The following PHLDB2 variants were observed in gnomAD, a reference collection of about 807,000 sequenced individuals.
PHLDB2 encodes pleckstrin homology-like domain family B member 2.
A neutral mutation model predicts 123.6 loss-of-function variants in PHLDB2; 71 were observed. That is an observed-to-expected ratio of 0.57 (90% CI 0.47 to 0.70). The LOEUF (loss-of-function observed/expected upper bound fraction) is 0.70, where lower values mean the gene tolerates loss of function less well. PHLDB2 is among the 30% of genes least tolerant of loss of function. The probability of loss-of-function intolerance (pLI) is 0.00; values close to 1 mark genes in which losing one functional copy is unlikely to be tolerated. For synonymous variants in PHLDB2, 547 were observed against 541.6 expected, an observed-to-expected ratio of 1.01 and a Z score of -0.14; for missense variants, 1,446 against 1,519.5, an observed-to-expected ratio of 0.95 and a Z score of 0.80.
chr3:111,945,206 C>T, intron 8 of PHLDB2, 62 bp from the exon 9 acceptor site: 3 of 1,088,564 alleles, frequency 2.8e-6, no homozygotes, highest in Non-Finnish European at 4.2e-6. Context: ...TGCAAAGTCA[C>T]CATGCTTCTC....
chr3:111,962,929 C>CAAAAAAAAAAAAA (rs57625439), intron 13 of PHLDB2, among the ~76,000 whole-genome samples: 10 of 93,818 alleles, frequency 1.1e-4, no homozygotes, highest in Admixed American at 2.5e-4. Flanking sequence ...AACTCCATCT[C>CAAAAAAAAAAAAA]AAAAAAAAAA....
intron 5 of PHLDB2, among the ~76,000 whole-genome samples, chr3:111,924,019 C>T (rs1577095886): frequency 6.6e-6 from 1 of 152,278 alleles, no homozygotes; most frequent in East Asian, 1.9e-4. Flanking sequence ...CCCTCCCATT[C>T]TTCACAGCAC....
chr3:111,848,628 A>C (rs955049472), intron 2 of PHLDB2, among the ~76,000 whole-genome samples: 23 of 152,320 alleles, frequency 1.5e-4, no homozygotes, highest in Non-Finnish European at 1.9e-4. Context: ...TGTGGGGAGA[A>C]AAATACTGCC....
At chr3:111,929,109 AT>A in intron 5 of PHLDB2, among the ~76,000 whole-genome samples, 1 of 152,266 alleles carries the variant, frequency 6.6e-6, no homozygotes, top group South Asian at 2.1e-4. Flanking sequence ...CAGATAAAAA[AT>A]AAAAAATTAA....
intron 2 of PHLDB2, among the ~76,000 whole-genome samples, chr3:111,850,152 C>T (rs192408902): frequency 2.5e-4 from 38 of 151,468 alleles, no homozygotes; most frequent in Non-Finnish European, 4.0e-4. Flanking sequence ...TAAGCCACCG[C>T]GCCCAGCCGC....
intron 8 of PHLDB2, among the ~76,000 whole-genome samples, chr3:111,941,534 C>A (rs1448933402): frequency 1.3e-5 from 2 of 152,274 alleles, no homozygotes; most frequent in East Asian, 3.9e-4. Context: ...AGGCCTGACA[C>A]CATGGCTCAT....
At chr3:111,927,271 A>C (rs2068867984) in intron 5 of PHLDB2, among the ~76,000 whole-genome samples, 1 of 152,094 alleles carries the variant, frequency 6.6e-6, no homozygotes, top group African/African-American at 2.4e-5. Context: ...TCACACCTGT[A>C]ATCCCAGCAC....
At chr3:111,936,991 A>G (rs78364952) in intron 6 of PHLDB2, among the ~76,000 whole-genome samples, 9,045 of 152,342 alleles carry the variant, frequency 0.059, 882 homozygotes, top group African/African-American at 0.2. Context: ...TAGAAGTTAT[A>G]AATTTGAAAT....
intron 1 of PHLDB2, among the ~76,000 whole-genome samples, chr3:111,813,843 G>C: frequency 6.6e-6 from 1 of 152,270 alleles, no homozygotes; most frequent in South Asian, 2.1e-4. Flanking sequence ...CAAAAAACTG[G>C]GGATGCTTTT....
intron 1 of PHLDB2, among the ~76,000 whole-genome samples, chr3:111,866,930 G>GGTGGGT (rs2065114406): frequency 1.6e-5 from 2 of 126,004 alleles, no homozygotes; most frequent in Admixed American, 8.3e-5. Flanking sequence ...GTTTCTAAGG[G>GGTGGGT]GTGTGTGTGT....
chr3:111,968,454 T>C (rs2071947533), intron 15 of PHLDB2, among the ~76,000 whole-genome samples: 5 of 152,250 alleles, frequency 3.3e-5, no homozygotes. Flanking sequence ...TTGGTCATCA[T>C]AGAATTTGAA....
At chr3:111,813,232 T>A (rs2061921668) in intron 1 of PHLDB2, among the ~76,000 whole-genome samples, 1 of 152,222 alleles carries the variant, frequency 6.6e-6, no homozygotes, top group Non-Finnish European at 1.5e-5. Context: ...ATAATGTGAT[T>A]ACTATAGTTA....
chr3:111,860,462 C>T (rs2064773363), intron 1 of PHLDB2, among the ~76,000 whole-genome samples: 2 of 152,178 alleles, frequency 1.3e-5, no homozygotes, highest in South Asian at 2.1e-4. Flanking sequence ...CCCTGCGCGG[C>T]GGAGGCGCAG....
chr3:111,935,560 T>C (rs1030296377), intron 6 of PHLDB2, among the ~76,000 whole-genome samples: 1 of 149,352 alleles, frequency 6.7e-6, no homozygotes, highest in Middle Eastern at 3.5e-3. Context: ...GTTCATTAAG[T>C]ATTAACTCCC....
rs527319983 is a variant in PHLDB2 at position 111,852,976 on chromosome 3, T to C, written c.67+7041T>C. Among the ~76,000 whole-genome samples the C allele has an allele frequency of 5.3e-5, 8 of 152,340 alleles. No individual in the cohort carries two copies. In the East Asian group the frequency reaches 1.2e-3, roughly 22 times the overall value. ...CAGCACATGGGGATAATCATTAAACTTGAGGAGACAAAAATTAGGTGTTTC... is the reference window on the plus strand; with the variant it reads ...CAGCACATGGGGATAATCATTAAACCTGAGGAGACAAAAATTAGGTGTTTC... On this transcript the variant is annotated intron_variant, in intron 2 of 17. Transcript: ENST00000393923.
chr3:111,885,923 A>G (rs368682029), intron 2 of PHLDB2: 15 of 326,408 alleles, frequency 4.6e-5, no homozygotes, highest in African/African-American at 3.0e-4. Context: ...TTCATACACA[A>G]CCTTACTATC....
chr3:111,910,664 G>A lies in PHLDB2; in HGVS notation c.1336-2655G>A, dbSNP rs551651773. 7.9e-5 allele frequency among the ~76,000 whole-genome samples: 12 copies of A among 152,334 alleles called. No individual in the cohort carries two copies. The South Asian group carries it at 2.5e-3, about 32-fold the overall frequency. Reference sequence around the variant, plus strand: ...CTGGATTTGGGTCATGCAGGTTGCAGGCTATTGGCATGATGAATGGGAAGG... The same window carrying A: ...CTGGATTTGGGTCATGCAGGTTGCAAGCTATTGGCATGATGAATGGGAAGG... On this transcript the variant is annotated intron_variant, in intron 2 of 17. Transcript: ENST00000431670.
chr3:111,953,062 A>G (rs1418633415), intron 11 of PHLDB2, among the ~76,000 whole-genome samples: 1 of 152,116 alleles, frequency 6.6e-6, no homozygotes, highest in African/African-American at 2.4e-5. Flanking sequence ...TTATTCAGAC[A>G]TTTTCATGTA....
chr3:111,840,651 G>A (rs2063644409), intron 1 of PHLDB2, among the ~76,000 whole-genome samples: 1 of 152,072 alleles, frequency 6.6e-6, no homozygotes, highest in Admixed American at 6.5e-5. Flanking sequence ...ATAAATTAAG[G>A]GGAGGTTGCT....
Sources: gnomAD v4.1 joint callset for allele counts (sites outside exome capture counted in the v4.1 genomes callset) on GRCh38, gnomAD v4.1.1 for gene constraint, MANE v1.5 for transcripts, NCBI Gene and HGNC (gene_info 2026-07-23, HGNC 2026-07-21) for gene names.